Variants in SIAE observed in about 807,000 individuals in gnomAD.
SIAE encodes the protein sialate O-acetylesterase.
In SIAE, 39 loss-of-function variants were observed where a neutral mutation model predicts 52.6. The ratio of observed to expected loss-of-function variants is 0.74; its 90% CI spans 0.57 to 0.97. The LOEUF is 0.97. Among genes scored for constraint, SIAE ranks in the 50% least tolerant of loss-of-function variants. The pLI, the probability that SIAE is intolerant of heterozygous loss-of-function variation, is 0.00. For missense variants in SIAE, 592 were observed against 662.1 expected (o/e 0.89, Z 1.16); for synonymous variants, 233 against 241.4 (o/e 0.97, Z 0.32).
intron 7 of SIAE, among the ~76,000 whole-genome samples, chr11:124,641,882 C>T (rs1240118860): frequency 1.3e-5 from 2 of 150,960 alleles, no homozygotes; most frequent in African/African-American, 2.4e-5. Context: ...ATCACTTGAA[C>T]CCAGGAGGCG....
rs1336394272 is a variant in SIAE at position 124,663,405 on chromosome 11, T to C, written c.230-2602A>G. On this transcript the variant is annotated intron_variant, in intron 2 of 9. Coordinates refer to ENST00000263593, the MANE Select transcript of SIAE (RefSeq NM_170601.5). ...TCCTGGCTGACAAGGTGAAACCCTG[T>C]CTCTACTAAAAATACAAAAATGAGC... Among the ~76,000 whole-genome samples, 3 of 152,090 alleles carry C rather than the reference T, an allele frequency of 2.0e-5. No homozygotes were observed. In the East Asian group the frequency reaches 5.8e-4, roughly 30 times the overall value.
At position 124,648,150 on chromosome 11, in the gene SIAE, C is replaced by T; in HGVS notation, c.748G>A (p.Gly250Ser). The T allele has an allele frequency of 6.2e-7, 1 of 1,613,910 alleles. No individual in the cohort carries two copies. The change falls in exon 6 of 10, where the codon GGT becomes AGT. Residue 250 changes from glycine to serine, a missense_variant. Physicochemically the swap from Gly to Ser is moderately conservative, Grantham distance 56. Transcript: ENST00000263593. ...CAGAGAACAGAGTGCTTACTGGGAC[C>T]AGTTACAGAATCGTATGGAATGGAC... ...QGSIPYDSVT[G>S]PSKHSVLWNA... is the part of the protein sequence containing the mutation.
At chr11:124,659,600 C>T (rs1591392644) in intron 3 of SIAE, 1 of 130,174 alleles carries the variant, frequency 7.7e-6, no homozygotes, top group East Asian at 2.2e-4. Flanking sequence ...TACCACTGCA[C>T]TTCAGCCTGG....
intron 7 of SIAE, among the ~76,000 whole-genome samples, chr11:124,643,962 T>G (rs1591385189): frequency 6.6e-6 from 1 of 152,140 alleles, no homozygotes; most frequent in Admixed American, 6.6e-5. Context: ...ATACCTGACA[T>G]CATCCCTATG....
upstream of SIAE, chr11:124,675,167 G>T: frequency 1.4e-6 from 2 of 1,416,472 alleles, no homozygotes; most frequent in South Asian, 1.4e-5. Flanking sequence ...GAAATAATTT[G>T]TTGGCATAGT....
At chr11:124,651,699 C>A (rs991307890) in intron 4 of SIAE, among the ~76,000 whole-genome samples, 1 of 152,222 alleles carries the variant, frequency 6.6e-6, no homozygotes, top group African/African-American at 2.4e-5. Flanking sequence ...ACACTGACCT[C>A]CCCGCCCCGC....
intron 1 of SIAE, among the ~76,000 whole-genome samples, chr11:124,672,389 CTCATGGGTGT>C (rs1230947642): frequency 6.6e-6 from 1 of 152,140 alleles, no homozygotes; most frequent in Non-Finnish European, 1.5e-5. Flanking sequence ...GGGTACTGCT[CTCATGGGTGT>C]TCATTTTATT....
rs192834826 is a variant in SIAE, at chr11:124,655,411, G to A, written c.406-618C>T. Among the ~76,000 whole-genome samples the A allele has an allele frequency of 2.6e-5, 4 of 152,254 alleles. No individual in the cohort carries two copies. The East Asian group carries it at 5.8e-4, about 22-fold the overall frequency. On this transcript the variant is annotated intron_variant, in intron 3 of 9. Coordinates refer to ENST00000263593, the MANE Select transcript of SIAE (RefSeq NM_170601.5). ...CGGATGGTCTCAATCTCCAGACCTC[G>A]TGATCCGCCTGCCTTGGCCTCCCAG...
At chr11:124,664,226 G>C (rs1286935635) in intron 2 of SIAE, among the ~76,000 whole-genome samples, 1 of 151,280 alleles carries the variant, frequency 6.6e-6, no homozygotes, top group Non-Finnish European at 1.5e-5. Context: ...AGCATTTCTG[G>C]TAGCCTATTT....
chr11:124,663,205 C>T (rs1484984201), intron 2 of SIAE, among the ~76,000 whole-genome samples: 1 of 152,026 alleles, frequency 6.6e-6, no homozygotes, highest in Non-Finnish European at 1.5e-5. Context: ...AGTTAACTTC[C>T]AGGCAAGGCA....
chr11:124,656,917 G>A (rs1441940900), intron 3 of SIAE, among the ~76,000 whole-genome samples: 1 of 152,124 alleles, frequency 6.6e-6, no homozygotes, highest in African/African-American at 2.4e-5. Flanking sequence ...GTGTGCAGCT[G>A]GCTCGCTTTC....
chr11:124,648,247 T>C (rs544591912), intron 5 of SIAE, 72 bp from the exon 6 acceptor site: 1 of 1,083,850 alleles, frequency 9.2e-7, no homozygotes, highest in Admixed American at 1.7e-5. Flanking sequence ...TAATTGGTCA[T>C]CTATCCACTT....
At chr11:124,669,275 G>C in intron 2 of SIAE, 85 bp downstream of exon 2, 1 of 1,508,300 alleles carries the variant, frequency 6.6e-7, no homozygotes, top group Non-Finnish European at 9.2e-7. Context: ...TGGATAATGT[G>C]AGCTACAGCA....
Position 124,669,418 on chromosome 11 carries a change from C to A in SIAE, c.171G>T (p.Val57=). ...IWGFGTPGAT[V]TVTLRQGQET... Reference sequence around the variant, plus strand: ...CCTGACCTTGGCGCAGGGTCACGGTCACTGTGGCTCCAGGTGTACCGAAGC... The same window carrying A: ...CCTGACCTTGGCGCAGGGTCACGGTAACTGTGGCTCCAGGTGTACCGAAGC... Residue 57 remains valine (V), a synonymous_variant, in exon 2 of 10, where the codon GTG becomes GTT. Transcript: ENST00000263593. The A allele has an allele frequency of 6.2e-7, 1 of 1,614,208 alleles. No individual in the cohort carries two copies. The highest frequency in any genetic ancestry group is 1.1e-5 in the South Asian group (1 of 91,078).
intron 1 of SIAE, among the ~76,000 whole-genome samples, chr11:124,671,672 C>CA (rs200290380): frequency 3.1e-4 from 47 of 150,100 alleles, no homozygotes; most frequent in Middle Eastern, 3.5e-3. Context: ...GTGCAATGGA[C>CA]AAAAAAAAAG....
chr11:124,633,328 G>C lies in SIAE; in HGVS notation c.*3623C>G, dbSNP rs1046750826. 2.6e-5 allele frequency: 4 copies of C among 152,164 alleles called. No individual in the cohort carries two copies. Among genetic ancestry groups the C allele is most frequent in the Non-Finnish European group, 4.4e-5 (3 of 68,040 alleles). 9.4% of individuals were successfully genotyped at this position (152,164 alleles called of 1,614,324 possible). On this transcript the variant is annotated 3_prime_UTR_variant, in exon 10 of 10. Coordinates refer to ENST00000263593, the MANE Select transcript of SIAE (RefSeq NM_170601.5). Reference sequence around the variant, plus strand: ...TTTTGGACCCTGTTAATAGCATTAAGGTAGAGGTTTACTCTATCACCTAAC... The same window carrying C: ...TTTTGGACCCTGTTAATAGCATTAACGTAGAGGTTTACTCTATCACCTAAC...
chr11:124,650,051 T>C (rs1054570606), intron 4 of SIAE, among the ~76,000 whole-genome samples: 1 of 152,228 alleles, frequency 6.6e-6, no homozygotes. Context: ...AACTGTAACC[T>C]TAGTGATAGT....
chr11:124,643,089 G>A (rs1240034296), intron 7 of SIAE, among the ~76,000 whole-genome samples: 1 of 152,180 alleles, frequency 6.6e-6, no homozygotes. Flanking sequence ...ATAAATGTGT[G>A]TTGTATTGTT....
chr11:124,674,445 C>T (rs2134402173), upstream of SIAE: 1 of 152,446 alleles, frequency 6.6e-6, no homozygotes, highest in South Asian at 2.1e-4. Flanking sequence ...CCTACCACGG[C>T]CTCCGCCTCT....
Sources: gnomAD v4.1 joint callset for allele counts (sites outside exome capture counted in the v4.1 genomes callset) on GRCh38, gnomAD v4.1.1 for gene constraint, MANE v1.5 for transcripts, NCBI Gene and HGNC (gene_info 2026-07-23, HGNC 2026-07-21) for gene names.